Variants in CEP112 observed in about 807,000 individuals in gnomAD.
CEP112 encodes centrosomal protein of 112 kDa.
CEP112 carries 127 observed loss-of-function variants against 153.0 expected under a neutral mutation model. The observed-to-expected ratio is 0.83, with a 90% CI of 0.72 to 0.96. The LOEUF (loss-of-function observed/expected upper bound fraction) is 0.96, where lower values mean the gene tolerates loss of function less well. Ranked by LOEUF, CEP112 falls within the 40% of genes least tolerant of loss-of-function variation. The pLI, the probability that CEP112 is intolerant of heterozygous loss-of-function variation, is 0.00. For missense variants in CEP112, 1,089 were observed against 1,101.2 expected (o/e 0.99, Z 0.16); for synonymous variants, 358 against 374.4 (o/e 0.96, Z 0.51).
At chr17:66,058,774 C>G (rs1049788684) in intron 11 of CEP112, among the ~76,000 whole-genome samples, 2 of 152,128 alleles carry the variant, frequency 1.3e-5, no homozygotes, top group Non-Finnish European at 2.9e-5. Context: ...ATCACTTGAG[C>G]CCAGGAGCTC....
At chr17:66,158,822 G>A (rs531961643) in intron 4 of CEP112, among the ~76,000 whole-genome samples, 2 of 152,134 alleles carry the variant, frequency 1.3e-5, no homozygotes, top group Admixed American at 1.3e-4. Context: ...AAAATCAAAA[G>A]CTAGCAGAAG....
rs114056255 is a variant in CEP112 at position 65,775,049 on chromosome 17, G to A, written c.2395-24325C>T. ...AATACCCTTGATGTGGCGAGTGGGCGGGAACATGAGGCTCAGTTTCTGAGC... is the reference window on the plus strand; with the variant it reads ...AATACCCTTGATGTGGCGAGTGGGCAGGAACATGAGGCTCAGTTTCTGAGC... On this transcript the variant is annotated intron_variant, in intron 21 of 26. Transcript: ENST00000535342. Among the ~76,000 whole-genome samples the A allele has an allele frequency of 9.1e-3, 1,391 of 152,134 alleles. 27 individuals carry two copies. The highest frequency in any genetic ancestry group is 0.032 in the African/African-American group (1,325 of 41,474).
chr17:66,030,087 G>A (rs571786420), intron 12 of CEP112, 64 bp from the exon 13 acceptor site: 9 of 1,316,820 alleles, frequency 6.8e-6, no homozygotes, highest in South Asian at 6.7e-5. Context: ...GTATCTGTAA[G>A]AAGCTTGAGG....
At chr17:65,873,195 T>C (rs748117233) in intron 20 of CEP112, 1 of 152,254 alleles carries the variant, frequency 6.6e-6, no homozygotes, top group Non-Finnish European at 1.5e-5. Flanking sequence ...AGCTAGGAAC[T>C]CTGGTCATGG....
At chr17:65,928,382 A>G (rs1292902094) in intron 18 of CEP112, among the ~76,000 whole-genome samples, 10 of 152,228 alleles carry the variant, frequency 6.6e-5, no homozygotes. Context: ...CAATTCCTCA[A>G]AACATTAAAT....
rs114333720 is a variant in CEP112, at chr17:65,711,306, A to T, written c.2608-22088T>A. On this transcript the variant is annotated intron_variant, in intron 23 of 26. Transcript: ENST00000535342. Reference sequence around the variant, plus strand: ...CTGCCTGAGTTGGAATCTCTGCTCCAACTCTTTGCTAGTCATGTGACTTTG... The same window carrying T: ...CTGCCTGAGTTGGAATCTCTGCTCCTACTCTTTGCTAGTCATGTGACTTTG... Among the ~76,000 whole-genome samples, 727 of 152,300 alleles carry T rather than the reference A, an allele frequency of 4.8e-3. 2 individuals are homozygous for T. The highest frequency in any genetic ancestry group is 0.016 in the African/African-American group (681 of 41,568).
At chr17:65,764,528 T>A (rs964155854) in intron 21 of CEP112, among the ~76,000 whole-genome samples, 6 of 151,906 alleles carry the variant, frequency 3.9e-5, no homozygotes, top group African/African-American at 1.5e-4. Context: ...TGACTTTTTT[T>A]GTCTCTTATG....
chr17:66,096,929 T>C (rs1033446876), intron 6 of CEP112, among the ~76,000 whole-genome samples: 2 of 152,154 alleles, frequency 1.3e-5, no homozygotes, highest in Non-Finnish European at 2.9e-5. Flanking sequence ...GGATCCACAA[T>C]GATTTATATT....
intron 21 of CEP112, among the ~76,000 whole-genome samples, chr17:65,823,192 G>T (rs1214886542): frequency 6.6e-6 from 1 of 151,940 alleles, no homozygotes; most frequent in Admixed American, 6.6e-5. Flanking sequence ...TCATTATGCT[G>T]ATTCTAAGAA....
chr17:65,913,759 C>G (rs1402062156), intron 19 of CEP112: 1 of 985,310 alleles, frequency 1.0e-6, no homozygotes, highest in African/African-American at 1.7e-5. Flanking sequence ...TGCTGAAGCT[C>G]CCGAAGCTCA....
At chr17:66,127,720 C>T (rs1013345615) in intron 6 of CEP112, among the ~76,000 whole-genome samples, 2 of 152,122 alleles carry the variant, frequency 1.3e-5, no homozygotes, top group African/African-American at 4.8e-5. Flanking sequence ...CAACATATAC[C>T]TCCAGCTCTT....
chr17:66,097,965 A>C (rs2146289619), intron 6 of CEP112, among the ~76,000 whole-genome samples: 1 of 152,320 alleles, frequency 6.6e-6, no homozygotes, highest in East Asian at 1.9e-4. Flanking sequence ...GATTCATCTA[A>C]AGCTGCCTCC....
At chr17:65,933,520 G>C (rs73349030) in intron 18 of CEP112, among the ~76,000 whole-genome samples, 9,843 of 152,250 alleles carry the variant, frequency 0.065, 466 homozygotes, top group African/African-American at 0.12. Flanking sequence ...CCAGGAGACA[G>C]TGGGAAGATA....
chr17:66,183,398 TA>T, intron 1 of CEP112, 91 bp from the exon 2 acceptor site: 1 of 792,150 alleles, frequency 1.3e-6, no homozygotes, highest in Non-Finnish European at 2.0e-6. Context: ...TCTTAAGTGT[TA>T]GATATCAGTT....
intron 20 of CEP112, among the ~76,000 whole-genome samples, chr17:65,897,960 A>C (rs565424433): frequency 8.5e-5 from 13 of 152,084 alleles, no homozygotes; most frequent in Non-Finnish European, 1.8e-4. Context: ...AGAATTATAC[A>C]ATTCACAGCA....
At chr17:66,061,503 T>C (rs2066917933) in intron 11 of CEP112, among the ~76,000 whole-genome samples, 1 of 151,662 alleles carries the variant, frequency 6.6e-6, no homozygotes, top group African/African-American at 2.4e-5. Flanking sequence ...TTATTCACAA[T>C]AGTCAAGATA....
At chr17:66,117,672 G>C (rs534634616) in intron 6 of CEP112, among the ~76,000 whole-genome samples, 7 of 152,064 alleles carry the variant, frequency 4.6e-5, no homozygotes, top group African/African-American at 1.7e-4. Context: ...CAGATGGGGC[G>C]ACATCAAGCT....
intron 23 of CEP112, among the ~76,000 whole-genome samples, chr17:65,715,698 G>A (rs1036698125): frequency 2.0e-5 from 3 of 152,110 alleles, no homozygotes; most frequent in South Asian, 2.1e-4. Flanking sequence ...TGATCCACCC[G>A]CCTCGGCCTC....
At chr17:66,052,201 G>A (rs2066470189) in intron 12 of CEP112, among the ~76,000 whole-genome samples, 1 of 152,146 alleles carries the variant, frequency 6.6e-6, no homozygotes. Flanking sequence ...AAGTACCCAT[G>A]CAACCATTTT....
Sources: allele counts gnomAD v4.1 joint callset (sites outside exome capture counted in the v4.1 genomes callset), GRCh38; gene constraint gnomAD v4.1.1; transcripts MANE v1.5; gene names NCBI Gene and HGNC (gene_info 2026-07-23, HGNC 2026-07-21).